SCAI: variants seen among roughly 807,000 people sequenced by gnomAD.
SCAI encodes suppressor of cancer cell invasion.
In SCAI, 24 loss-of-function variants were observed where a neutral mutation model predicts 92.2. That is an observed-to-expected ratio of 0.26 (90% CI 0.19 to 0.37). The LOEUF (loss-of-function observed/expected upper bound fraction) is 0.37. SCAI is among the 10% of genes least tolerant of loss of function. The pLI is 1.00. For synonymous variants in SCAI, 261 were observed against 258.6 expected, an observed-to-expected ratio of 1.01 and a Z score of -0.09; for missense variants, 450 against 736.2, an observed-to-expected ratio of 0.61 and a Z score of 4.50.
intron 2 of SCAI, among the ~76,000 whole-genome samples, chr9:125,140,767 C>CT (rs1453469475): frequency 2.0e-5 from 3 of 149,330 alleles, no homozygotes; most frequent in African/African-American, 7.4e-5. Flanking sequence ...GCTGAATTGG[C>CT]TGGGTGGCTT....
At chr9:124,991,070 T>C (rs548178633) in intron 14 of SCAI, among the ~76,000 whole-genome samples, 122 of 152,124 alleles carry the variant, frequency 8.0e-4, no homozygotes, top group Non-Finnish European at 1.5e-3. Context: ...CATTAACAAG[T>C]GGCCAGGCGC....
intron 15 of SCAI, among the ~76,000 whole-genome samples, chr9:124,975,876 G>C (rs1436201879): frequency 6.6e-6 from 1 of 152,094 alleles, no homozygotes; most frequent in Non-Finnish European, 1.5e-5. Flanking sequence ...CCATCAGCAA[G>C]GAACAAAACC....
At chr9:125,136,507 C>T (rs947347574) in intron 2 of SCAI, among the ~76,000 whole-genome samples, 6 of 128,850 alleles carry the variant, frequency 4.7e-5, no homozygotes, top group Admixed American at 2.0e-4. Context: ...GTCGCCCAGG[C>T]TGGAGTGCAA....
intron 17 of SCAI, chr9:124,968,264 C>A: frequency 8.9e-7 from 1 of 1,121,332 alleles, no homozygotes; most frequent in South Asian, 1.3e-5. Context: ...GGCCTGACAG[C>A]TTTTAATATC....
chr9:125,024,457 A>G (rs1259115883), intron 6 of SCAI, among the ~76,000 whole-genome samples: 4 of 151,960 alleles, frequency 2.6e-5, no homozygotes, highest in Non-Finnish European at 5.9e-5. Context: ...TTGTATTTTT[A>G]GTAGAGACGG....
At chr9:125,106,499 C>T (rs1834803687) in intron 2 of SCAI, among the ~76,000 whole-genome samples, 1 of 151,930 alleles carries the variant, frequency 6.6e-6, no homozygotes, top group Admixed American at 6.6e-5. Flanking sequence ...TAGAAAGAGA[C>T]CTTCAACTGA....
At position 124,985,795 on chromosome 9, in the gene SCAI, G is replaced by A. The variant is rs552402814; in HGVS notation, c.1326+9139C>T. Among the ~76,000 whole-genome samples, 23 of 151,432 alleles carry A rather than the reference G, an allele frequency of 1.5e-4. 1 individual carries two copies. Among genetic ancestry groups the A allele is most frequent in the African/African-American group, 4.1e-4 (17 of 41,240 alleles). On this transcript the variant is annotated intron_variant, in intron 14 of 17. Transcript: ENST00000336505. ...GGAGAATTGCTTGAACCGGGGAGGC[G>A]GAGGTTGCAGTGAGGTGAGATCGCA...
chr9:124,998,290 GAAA>G (rs1273889672), intron 13 of SCAI, among the ~76,000 whole-genome samples: 3 of 151,950 alleles, frequency 2.0e-5, no homozygotes, highest in Non-Finnish European at 4.4e-5. Flanking sequence ...CCATCTCTAT[GAAA>G]AATAAAAAAA....
intron 3 of SCAI, among the ~76,000 whole-genome samples, chr9:125,042,634 T>TGTGTGTGTGTGTGTGTGTGTGTGTGTAC (rs761672178): frequency 1.0e-5 from 1 of 96,216 alleles, no homozygotes; most frequent in Admixed American, 1.3e-4. Context: ...TGTGTGTGTG[T>TGTGTGTGTGTGTGTGTGTGTGTGTGTAC]ACACACACAC....
At chr9:125,092,990 T>A (rs960568052) in intron 2 of SCAI, among the ~76,000 whole-genome samples, 1 of 152,230 alleles carries the variant, frequency 6.6e-6, no homozygotes, top group African/African-American at 2.4e-5. Context: ...TCAGTCTTCA[T>A]CTTATGTTAC....
chr9:125,045,835 A>T (rs903512534), intron 3 of SCAI, among the ~76,000 whole-genome samples: 5 of 151,668 alleles, frequency 3.3e-5, no homozygotes, highest in Non-Finnish European at 1.5e-5. Flanking sequence ...TTGAGGATTT[A>T]ATGAATTCTT....
chr9:125,131,014 G>T (rs1307528442), intron 2 of SCAI, among the ~76,000 whole-genome samples: 1 of 139,148 alleles, frequency 7.2e-6, no homozygotes, highest in Non-Finnish European at 1.5e-5. Context: ...CTCACTCCTG[G>T]GCTCAAGTGA....
At chr9:124,976,571 C>T (rs1831759902) in intron 14 of SCAI, among the ~76,000 whole-genome samples, 1 of 152,164 alleles carries the variant, frequency 6.6e-6, no homozygotes, top group Non-Finnish European at 1.5e-5. Context: ...AAACCTGATT[C>T]CTGGAGTCAT....
intron 15 of SCAI, among the ~76,000 whole-genome samples, chr9:124,972,388 C>T (rs73666662): frequency 0.019 from 2,846 of 152,148 alleles, 79 homozygotes; most frequent in African/African-American, 0.064. Context: ...CTCTGTCTTG[C>T]GGTAGATACT....
chr9:125,139,170 T>C (rs965408464), intron 2 of SCAI, among the ~76,000 whole-genome samples: 1 of 152,108 alleles, frequency 6.6e-6, no homozygotes, highest in Non-Finnish European at 1.5e-5. Context: ...TCAAACACTT[T>C]GAGAGTCTGA....
At chr9:125,037,743 C>T (rs1331578008) in intron 3 of SCAI, among the ~76,000 whole-genome samples, 1 of 151,470 alleles carries the variant, frequency 6.6e-6, no homozygotes, top group Admixed American at 6.6e-5. Flanking sequence ...GGTGAAAACC[C>T]GTCTCTACTA....
At chr9:125,054,131 T>C (rs1180843469) in intron 3 of SCAI, among the ~76,000 whole-genome samples, 1 of 152,070 alleles carries the variant, frequency 6.6e-6, no homozygotes, top group Non-Finnish European at 1.5e-5. Context: ...CTCACCACCA[T>C]ATCCAGCTAA....
intron 2 of SCAI, among the ~76,000 whole-genome samples, chr9:125,116,445 T>C (rs1425327140): frequency 6.6e-6 from 1 of 152,132 alleles, no homozygotes; most frequent in Admixed American, 6.6e-5. Context: ...CACACAAACT[T>C]TTTTATTTAA....
chr9:125,106,436 C>T (rs1030188893), intron 2 of SCAI, among the ~76,000 whole-genome samples: 2 of 151,594 alleles, frequency 1.3e-5, no homozygotes, highest in Non-Finnish European at 2.9e-5. Flanking sequence ...TCTCTTGGCA[C>T]ATGTAAACTG....
Sources: gnomAD v4.1 joint callset for allele counts (sites outside exome capture counted in the v4.1 genomes callset) on GRCh38, gnomAD v4.1.1 for gene constraint, MANE v1.5 for transcripts, NCBI Gene and HGNC (gene_info 2026-07-23, HGNC 2026-07-21) for gene names.